Variants in GIGYF2 observed in about 807,000 individuals in gnomAD.
The protein encoded by GIGYF2 is GRB10-interacting GYF protein 2.
A neutral mutation model predicts 208.1 loss-of-function variants in GIGYF2; 25 were observed. The ratio of observed to expected loss-of-function variants is 0.12; its 90% confidence interval spans 0.09 to 0.17. The LOEUF (loss-of-function observed/expected upper bound fraction) is 0.17, where lower values mean the gene tolerates loss of function less well. GIGYF2 is among the 10% of genes least tolerant of loss of function. GIGYF2 has a pLI of 1.00. For synonymous variants in GIGYF2, 534 were observed against 543.8 expected, an observed-to-expected ratio of 0.98 and a Z score of 0.25; for missense variants, 1,302 against 1,579.4, an observed-to-expected ratio of 0.82 and a Z score of 2.98.
Position 232,790,640 on chromosome 2 carries a change from C to T in GIGYF2, c.713-58C>T, listed in dbSNP as rs954884752. The T allele has an allele frequency of 2.9e-6, 4 of 1,361,184 alleles. No individual in the cohort carries two copies. In the African/African-American group the frequency reaches 4.3e-5, roughly 15 times the overall value. The allele number at this position is 1,361,184 out of a possible 1,614,324, so 84.3% of individuals were successfully genotyped here. On this transcript the variant is annotated intron_variant, in intron 9 of 28. Transcript: ENST00000373563. Reference sequence around the variant, plus strand: ...TCCTTTATTTTCTATTCCTGATTTTCTTATTCAAATACTGTCATAAAACTT... The same window carrying T: ...TCCTTTATTTTCTATTCCTGATTTTTTTATTCAAATACTGTCATAAAACTT...
rs1030648264 is a variant in GIGYF2 at position 232,858,414 on chromosome 2, A to G, written c.*1554A>G. On this transcript the variant is annotated 3_prime_UTR_variant, in exon 29 of 29. Transcript: ENST00000373563. ...GTGTAATAACTATACAGAGACTGCT[A>G]CAAAATTGTATATAGTTTTTGGATC... 6.7e-6 allele frequency: 3 copies of G among 446,602 alleles called. No homozygotes were observed. The highest frequency in any genetic ancestry group is 6.1e-5 in the African/African-American group (3 of 48,976). 27.7% of individuals were successfully genotyped at this position (446,602 alleles called of 1,614,324 possible).
At chr2:232,800,589 CTTTTTTTT>C (rs756914156) in intron 14 of GIGYF2, among the ~76,000 whole-genome samples, 2 of 61,272 alleles carry the variant, frequency 3.3e-5, no homozygotes, top group South Asian at 1.5e-3. Flanking sequence ...TTCTTTTTTT[CTTTTTTTT>C]TTTTTAAGAC....
At chr2:232,757,412 A>G (rs1350965175) in intron 6 of GIGYF2, among the ~76,000 whole-genome samples, 1 of 151,678 alleles carries the variant, frequency 6.6e-6, no homozygotes, top group Non-Finnish European at 1.5e-5. Flanking sequence ...CTTAAAGGAA[A>G]TACCTGTGCA....
At chr2:232,835,506 T>C (rs927497831) in intron 22 of GIGYF2, among the ~76,000 whole-genome samples, 3 of 152,208 alleles carry the variant, frequency 2.0e-5, no homozygotes, top group Admixed American at 6.5e-5. Flanking sequence ...AGTGTATGGG[T>C]TATACTTTCC....
intron 4 of GIGYF2, 28 bp from the exon 5 acceptor site, chr2:232,748,959 T>A: frequency 1.0e-6 from 1 of 969,432 alleles, no homozygotes; most frequent in South Asian, 1.3e-5. Flanking sequence ...ATAGCATTAA[T>A]CTCATAATCA....
intron 9 of GIGYF2, among the ~76,000 whole-genome samples, chr2:232,790,366 G>A (rs1057166189): frequency 1.3e-5 from 2 of 152,118 alleles, no homozygotes; most frequent in African/African-American, 4.8e-5. Flanking sequence ...AGGAGTTGGC[G>A]GCTAATCAGT....
chr2:232,745,443 A>G lies in GIGYF2; in HGVS notation c.42-2172A>G, dbSNP rs147104195. ...CAGGAGCCAACCTGAAGAGTCTCCC[A>G]CTCTTCAAAGATGAGACAGTTTGAA... On this transcript the variant is annotated intron_variant, in intron 3 of 28. Coordinates refer to ENST00000373563, the MANE Select transcript of GIGYF2 (RefSeq NM_001103146.3). Among the ~76,000 whole-genome samples, 238 of 152,156 alleles carry G rather than the reference A, an allele frequency of 1.6e-3. 4 individuals are homozygous for G. In the Middle Eastern group the frequency reaches 0.017, roughly 11 times the overall value.
rs150411635 is a variant in GIGYF2 at position 232,777,867 on chromosome 2, G to T, written c.533-9283G>T. ...ACACAACAACAAAATACTAGAACAA[G>T]TATAGTATAATACTGCTTCTAGAAA... On this transcript the variant is annotated intron_variant, in intron 8 of 28. Coordinates refer to ENST00000373563, the MANE Select transcript of GIGYF2 (RefSeq NM_001103146.3). Among the ~76,000 whole-genome samples, 272 of 152,204 alleles carry T rather than the reference G, an allele frequency of 1.8e-3. 1 individual carries two copies. The highest frequency in any genetic ancestry group is 6.3e-3 in the African/African-American group (262 of 41,520).
chr2:232,805,427 G>C (rs988975979), intron 14 of GIGYF2, among the ~76,000 whole-genome samples: 3 of 151,770 alleles, frequency 2.0e-5, no homozygotes, highest in African/African-American at 7.3e-5. Flanking sequence ...TATGTGTATT[G>C]ACCCTTCTTT....
intron 28 of GIGYF2, among the ~76,000 whole-genome samples, chr2:232,855,163 T>C (rs775322997): frequency 1.4e-4 from 20 of 140,664 alleles, no homozygotes; most frequent in Non-Finnish European, 3.0e-4. Flanking sequence ...CTCAGCTCAC[T>C]AAAATCTCTG....
chr2:232,747,454 A>G (rs1698186901), intron 3 of GIGYF2, among the ~76,000 whole-genome samples, 161 bp from the exon 4 acceptor site: 1 of 152,236 alleles, frequency 6.6e-6, no homozygotes, highest in South Asian at 2.1e-4. Context: ...TTAGCGTGCC[A>G]TGACAAAAGA....
intron 8 of GIGYF2, chr2:232,767,556 A>G (rs1422075244): frequency 6.5e-6 from 1 of 153,264 alleles, no homozygotes; most frequent in Non-Finnish European, 1.5e-5. Flanking sequence ...ATAAGTGAAC[A>G]TATATGTATG....
At chr2:232,818,278 G>C (rs1174639460) in intron 20 of GIGYF2, among the ~76,000 whole-genome samples, 2 of 152,090 alleles carry the variant, frequency 1.3e-5, no homozygotes, top group Admixed American at 1.3e-4. Context: ...TCTAAATAGG[G>C]AGCAAAAACA....
chr2:232,819,646 A>G (rs571128602), intron 20 of GIGYF2, among the ~76,000 whole-genome samples, 181 bp from the exon 21 acceptor site: 1 of 152,264 alleles, frequency 6.6e-6, no homozygotes, highest in Admixed American at 6.5e-5. Flanking sequence ...TTTCATTGTA[A>G]TGCGTCCAAT....
Position 232,832,863 on chromosome 2 carries a change from G to A in GIGYF2, c.2536G>A (p.Glu846Lys), listed in dbSNP as rs1402453761. ...AATTTTTCCTTCTGGAAAGGAAGAGGAGGCTGCAAAATGGGCCCGGGAAGA... is the reference window on the plus strand; with the variant it reads ...AATTTTTCCTTCTGGAAAGGAAGAGAAGGCTGCAAAATGGGCCCGGGAAGA... ...QEELLRKQEE[E>K]AAKWAREEEE... Residue 846 changes from glutamate to lysine, a missense_variant, in exon 22 of 29, where the codon GAG becomes AAG. Glu to Lys is a moderately conservative substitution (Grantham distance 56). This residue lies in a region of GIGYF2 where 701 missense variants were observed against 793.0 expected (regional missense o/e 0.88). Transcript: ENST00000373563. The A allele has an allele frequency of 6.4e-7, 1 of 1,552,130 alleles. No homozygotes were observed. Among genetic ancestry groups the A allele is most frequent in the East Asian group, 2.4e-5 (1 of 40,996 alleles).
chr2:232,745,491 T>C (rs1233703936), intron 3 of GIGYF2, among the ~76,000 whole-genome samples: 1 of 152,146 alleles, frequency 6.6e-6, no homozygotes, highest in Non-Finnish European at 1.5e-5. Context: ...TTGCTGTGAA[T>C]TGAAATATAT....
In GIGYF2 at chr2:232,816,957, G is replaced by A. The variant is rs1700933534; in HGVS notation, c.2295G>A (p.Gln765=). 6.2e-7 allele frequency: 1 copy of A among 1,612,358 alleles called. No individual in the cohort carries two copies. The highest frequency in any genetic ancestry group is 1.3e-5 in the African/African-American group (1 of 74,884). Residue 765 remains glutamine, a synonymous_variant, in exon 20 of 29, where the codon CAG becomes CAA. Transcript: ENST00000373563. ...GGCAGGAAGAACTCCGAAGACAACA[G>A]GAGGAAATTCTTCGGCGACAGCAGG... The part of the protein sequence containing the change: ...RKRQEELRRQ[Q]EEILRRQQEE...
At position 232,730,537 on chromosome 2, in the gene GIGYF2, G is replaced by C. The variant is rs1489573939; in HGVS notation, c.-43-4618G>C. ...GGACAATCACTTGAACCTGGGAGAC[G>C]AAGGTTGCAGTGAGCCAAGATCATG... On this transcript the variant is annotated intron_variant, in intron 2 of 28. Transcript: ENST00000373563. Among the ~76,000 whole-genome samples, 13 of 149,680 alleles carry C rather than the reference G, an allele frequency of 8.7e-5. No individual in the cohort carries two copies. In the East Asian group the frequency reaches 2.4e-3, roughly 27 times the overall value.
Position 232,768,480 on chromosome 2 carries a change from A to T in GIGYF2, c.532+7044A>T. The T allele has an allele frequency of 1.2e-6, 2 of 1,614,206 alleles. No homozygotes were observed. The highest frequency in any genetic ancestry group is 3.3e-4 in the Middle Eastern group (2 of 6,062). ...TGCTGAAAGGAATACAACTAATTCA[A>T]AGTGAGAAGGATTTTCATGCTGGAG... is the stretch of plus-strand genomic sequence containing the variant. On this transcript the variant is annotated intron_variant, in intron 8 of 28. Coordinates refer to ENST00000373563, the MANE Select transcript of GIGYF2 (RefSeq NM_001103146.3).
Sources: allele counts gnomAD v4.1 joint callset (sites outside exome capture counted in the v4.1 genomes callset), GRCh38; gene constraint gnomAD v4.1.1; regional missense constraint gnomAD v4.1.1; transcripts MANE v1.5; gene names NCBI Gene and HGNC (gene_info 2026-07-23, HGNC 2026-07-21).